EVC2: variants seen among roughly 807,000 people sequenced by gnomAD.
EVC2 encodes EvC ciliary complex subunit 2.
Under a neutral mutation model 149.3 loss-of-function variants are expected in EVC2, and 148 were observed. That is an observed-to-expected ratio of 0.99 (90% CI 0.87 to 1.14). EVC2 has a LOEUF of 1.14. Ranked by LOEUF, EVC2 falls within the 50% of genes most tolerant of loss-of-function variation. EVC2 has a pLI of 0.00. For missense variants in EVC2, 1,854 were observed against 1,627.3 expected (o/e 1.14, Z -2.40); for synonymous variants, 776 against 649.9 (o/e 1.19, Z -2.95).
At position 5,677,937 on chromosome 4, in the gene EVC2, C is replaced by G. The variant is rs1018826557; in HGVS notation, c.870+3323G>C. Among the ~76,000 whole-genome samples, 2 of 152,198 alleles carry G rather than the reference C, an allele frequency of 1.3e-5. No homozygotes were observed. Among genetic ancestry groups the G allele is most frequent in the Non-Finnish European group, 2.9e-5 (2 of 68,044 alleles). Reference sequence around the variant, plus strand: ...GTCTCTTCTGTGCAGGACTCTGGCTCTCTGGGAGGCGGTGTGGTCCAGTGC... The same window carrying G: ...GTCTCTTCTGTGCAGGACTCTGGCTGTCTGGGAGGCGGTGTGGTCCAGTGC... On this transcript the variant is annotated intron_variant, in intron 7 of 21. Coordinates refer to ENST00000344408, the MANE Select transcript of EVC2 (RefSeq NM_147127.5). The surrounding 1 kb of genome is among the most constrained non-coding windows in gnomAD (Gnocchi z 4.3).
At chr4:5,643,770 A>C (rs1221421881) in intron 9 of EVC2, among the ~76,000 whole-genome samples, 1 of 152,040 alleles carries the variant, frequency 6.6e-6, no homozygotes. Flanking sequence ...AAACTACAAA[A>C]ATTAGCCAGG....
chr4:5,608,713 T>C (rs1005054577), intron 16 of EVC2, among the ~76,000 whole-genome samples: 3 of 152,082 alleles, frequency 2.0e-5, no homozygotes, highest in Non-Finnish European at 4.4e-5. Flanking sequence ...TTTTTGTATT[T>C]TTAGTAGAGA....
At position 5,565,252 on chromosome 4, in the gene EVC2, C is replaced by T. The variant is rs770944837; in HGVS notation, c.3659+6G>A. ...CCCAGCCACATGAGCAGGTGCCCAT[C>T]ATTACCTCTGCTTTCTCTTGCGGGC... On this transcript the variant is annotated splice_donor_region_variant and intron_variant, in intron 21 of 21. Transcript: ENST00000344408. 1 of 1,613,546 alleles carries T rather than the reference C, an allele frequency of 6.2e-7. No homozygotes were observed. The highest frequency in any genetic ancestry group is 8.5e-7 in the Non-Finnish European group (1 of 1,179,644).
At chr4:5,642,355 C>A (rs1238442736) in intron 9 of EVC2, among the ~76,000 whole-genome samples, 1 of 151,050 alleles carries the variant, frequency 6.6e-6, no homozygotes. Flanking sequence ...TACACAGATG[C>A]ATGCAAGTAC....
At chr4:5,596,107 C>T (rs969893586) in intron 16 of EVC2, among the ~76,000 whole-genome samples, 2 of 152,194 alleles carry the variant, frequency 1.3e-5, no homozygotes, top group African/African-American at 4.8e-5. Flanking sequence ...TAGACTCCCA[C>T]ACAATAACAA....
chr4:5,708,371 C>T lies in EVC2; in HGVS notation c.143G>A (p.Arg48Gln). The T allele has an allele frequency of 2.0e-6, 3 of 1,490,472 alleles. No individual in the cohort carries two copies. Among genetic ancestry groups the T allele is most frequent in the Non-Finnish European group, 2.7e-6 (3 of 1,127,080 alleles). 92.3% of individuals were successfully genotyped at this position (1,490,472 alleles called of 1,614,324 possible). A position where few individuals can be genotyped will look rare whatever the true frequency, so the allele number is the denominator to read the frequency against. ...AGACCTAGGAGCCACCTGGGGATCC[C>T]GGGGTGGCTGCGCGCCGAGGGGGCG... ...RWRPLGAQPP[R>Q]DPQVAPRSGP... The change falls in exon 1 of 22, where the codon CGG becomes CAG. Residue 48 changes from arginine (R) to glutamine (Q), a missense_variant. Physicochemically the swap from Arg to Gln is conservative, Grantham distance 43 (BLOSUM62 1). Coordinates refer to ENST00000344408, the MANE Select transcript of EVC2 (RefSeq NM_147127.5).
intron 9 of EVC2, among the ~76,000 whole-genome samples, chr4:5,652,961 T>C (rs1351881275): frequency 6.6e-6 from 1 of 152,104 alleles, no homozygotes; most frequent in Non-Finnish European, 1.5e-5. Flanking sequence ...AGGCCAACAG[T>C]CCAAACTCAA....
At position 5,568,457 on chromosome 4, in the gene EVC2, C is replaced by G; in HGVS notation, c.3544G>C (p.Val1182Leu). The change falls in exon 20 of 22, where the codon GTG becomes CTG. Residue 1182 changes from valine (V) to leucine (L), a missense_variant. Coordinates refer to ENST00000344408, the MANE Select transcript of EVC2 (RefSeq NM_147127.5). ...CACGGCACTCACCTCCGCCTGCCCACGTCGGCCTGCTCCGCTCCGCCATCG... is the reference window on the plus strand; with the variant it reads ...CACGGCACTCACCTCCGCCTGCCCAGGTCGGCCTGCTCCGCTCCGCCATCG... ...ESDGGAEQADVGRRRKHQSWW... is the reference protein window; with the variant it reads ...ESDGGAEQADLGRRRKHQSWW... 1.9e-6 allele frequency: 3 copies of G among 1,561,926 alleles called. No homozygotes were observed. Among genetic ancestry groups the G allele is most frequent in the South Asian group, 1.2e-5 (1 of 85,212 alleles).
chr4:5,652,089 G>A (rs1161075863), intron 9 of EVC2, among the ~76,000 whole-genome samples: 1 of 152,218 alleles, frequency 6.6e-6, no homozygotes, highest in Non-Finnish European at 1.5e-5. Context: ...ACCCAACCGA[G>A]TTCACTGAAA....
rs981031327 is a variant in EVC2 at position 5,677,213 on chromosome 4, T to C, written c.870+4047A>G. Reference sequence around the variant, plus strand: ...CCATCCTATGAAGTGAACGTTGTTATTACTCTCATTTCACAGTTGGGGAAA... The same window carrying C: ...CCATCCTATGAAGTGAACGTTGTTACTACTCTCATTTCACAGTTGGGGAAA... On this transcript the variant is annotated intron_variant, in intron 7 of 21. Transcript: ENST00000344408. This position sits in a 1 kb window ranked among gnomAD's most constrained non-coding sequence, Gnocchi z 4.3. Among the ~76,000 whole-genome samples, 3 of 152,202 alleles carry C rather than the reference T, an allele frequency of 2.0e-5. No individual in the cohort carries two copies. The highest frequency in any genetic ancestry group is 7.2e-5 in the African/African-American group (3 of 41,446).
At chr4:5,611,022 G>A (rs1714775609) in intron 16 of EVC2, among the ~76,000 whole-genome samples, 1 of 152,122 alleles carries the variant, frequency 6.6e-6, no homozygotes, top group Non-Finnish European at 1.5e-5. Flanking sequence ...AGGTGGCCCA[G>A]TACACAAGGA....
intron 9 of EVC2, among the ~76,000 whole-genome samples, chr4:5,648,373 C>T (rs992944701): frequency 1.3e-5 from 2 of 152,156 alleles, no homozygotes; most frequent in Admixed American, 6.5e-5. Context: ...TTGACCACTC[C>T]ATCCATCATT....
In EVC2 at chr4:5,622,454, G is replaced by C. The variant is rs1715759874; in HGVS notation, c.2501+83C>G. 1 of 1,492,238 alleles carries C rather than the reference G, an allele frequency of 6.7e-7. No individual in the cohort carries two copies. Among genetic ancestry groups the C allele is most frequent in the African/African-American group, 1.4e-5 (1 of 72,074 alleles). 92.4% of individuals were successfully genotyped at this position (1,492,238 alleles called of 1,614,324 possible). ...TCTGGGGCCAGGTGTCTCATGCTTG[G>C]CCATCCCCACAACCACAGGGCAGGA... is the stretch of plus-strand genomic sequence containing the variant. On this transcript the variant is annotated intron_variant, in intron 14 of 21. Transcript: ENST00000344408. This position sits in a 1 kb window ranked among gnomAD's most constrained non-coding sequence, Gnocchi z 5.8.
Position 5,708,395 on chromosome 4 carries a change from C to A in EVC2, c.119G>T (p.Arg40Leu). ...CLGASSRPRW[R>L]PLGAQPPRDP... ...CCGGGGTGGCTGCGCGCCGAGGGGG[C>A]GCCAGCGGGGACGTGAGCTGGCGCC... The change falls in exon 1 of 22, where the codon CGC becomes CTC. Residue 40 changes from arginine to leucine, a missense_variant. Transcript: ENST00000344408. 3 of 1,495,940 alleles carry A rather than the reference C, an allele frequency of 2.0e-6. No homozygotes were observed. Among genetic ancestry groups the A allele is most frequent in the Non-Finnish European group, 1.8e-6 (2 of 1,130,152 alleles). 92.7% of individuals were successfully genotyped at this position (1,495,940 alleles called of 1,614,324 possible).
At chr4:5,650,630 T>TAG (rs1477699429) in intron 9 of EVC2, among the ~76,000 whole-genome samples, 54 of 67,896 alleles carry the variant, frequency 8.0e-4, no homozygotes, top group Non-Finnish European at 1.2e-3. Context: ...TATATATATA[T>TAG]ATATATATAG....
At chr4:5,595,690 C>A (rs551281312) in intron 16 of EVC2, among the ~76,000 whole-genome samples, 11 of 152,220 alleles carry the variant, frequency 7.2e-5, no homozygotes, top group South Asian at 6.2e-4. Context: ...CTAACATCAT[C>A]ATGACAGGAT....
At chr4:5,615,644 T>C in intron 15 of EVC2, 100 bp from the exon 16 acceptor site, 1 of 1,537,410 alleles carries the variant, frequency 6.5e-7, no homozygotes, top group East Asian at 2.3e-5. Flanking sequence ...TTTCTGCAGC[T>C]CCCAGAACTG....
chr4:5,593,287 G>C (rs141718423), intron 16 of EVC2, among the ~76,000 whole-genome samples: 2 of 152,280 alleles, frequency 1.3e-5, no homozygotes, highest in African/African-American at 4.8e-5. Context: ...TGTGCAGTTG[G>C]TCTCTCCAGT....
At position 5,640,654 on chromosome 4, in the gene EVC2, G is replaced by T; in HGVS notation, c.1330C>A (p.Gln444Lys). The stretch of plus-strand genomic sequence containing the variant: ...ACCATCTTCCGATCGTACTCCTCTT[G>T]TATTTCATTTTCCAGCAATAGAAAC... ...KQFLLLENEI[Q>K]EEYDRKMVAL... The change falls in exon 10 of 22, where the codon CAA becomes AAA. Residue 444 changes from glutamine to lysine, a missense_variant. Gln to Lys is a moderately conservative substitution (Grantham distance 53). Transcript: ENST00000344408. This position sits in a 1 kb window ranked among gnomAD's most constrained non-coding sequence, Gnocchi z 4.6. The T allele has an allele frequency of 6.2e-7, 1 of 1,614,012 alleles. No homozygotes were observed. Among genetic ancestry groups the T allele is most frequent in the Non-Finnish European group, 8.5e-7 (1 of 1,180,008 alleles).
Sources: allele counts gnomAD v4.1 joint callset (sites outside exome capture counted in the v4.1 genomes callset), GRCh38; gene constraint gnomAD v4.1.1; non-coding constraint Gnocchi (gnomAD v3.1); transcripts MANE v1.5; gene names NCBI Gene and HGNC (gene_info 2026-07-23, HGNC 2026-07-21).